The following BACH2 variants were observed in gnomAD, a reference collection of about 807,000 sequenced individuals.
The protein encoded by BACH2 is BACH transcriptional regulator 2, also known as transcription regulator protein BACH2.
A neutral mutation model predicts 61.8 loss-of-function variants in BACH2; 5 were observed. The observed-to-expected ratio is 0.08, with a 90% CI of 0.04 to 0.17. The LOEUF is 0.17. Ranked by LOEUF, BACH2 falls within the 10% of genes least tolerant of loss-of-function variation. The pLI is 1.00. For missense variants in BACH2, 824 were observed against 1,091.1 expected (o/e 0.76, Z 3.45); for synonymous variants, 446 against 440.1 (o/e 1.01, Z -0.17).
At chr6:90,236,338 C>T (rs1367620245) in intron 3 of BACH2, among the ~76,000 whole-genome samples, 4 of 152,194 alleles carry the variant, frequency 2.6e-5, no homozygotes, top group African/African-American at 9.7e-5. Flanking sequence ...CAGAGACAAA[C>T]CTGAGCCATG....
chr6:90,274,577 C>A (rs1180704199), intron 1 of BACH2, among the ~76,000 whole-genome samples: 2 of 152,146 alleles, frequency 1.3e-5, no homozygotes, highest in South Asian at 4.1e-4. Flanking sequence ...CAGCCGCCCC[C>A]ACCTGACCAC....
Position 90,008,454 on chromosome 6 carries a change from C to G in BACH2, c.243+148G>C. On this transcript the variant is annotated intron_variant, in intron 6 of 8. Coordinates refer to ENST00000257749, the MANE Select transcript of BACH2 (RefSeq NM_021813.4). The surrounding 1 kb of genome is among the most constrained non-coding windows in gnomAD (Gnocchi z 4.1). ...AGACTTTAAGTGTATCAAATAGAAA[C>G]TGACTATGCCACAGACCTAACATGT... 1 of 953,866 alleles carries G rather than the reference C, an allele frequency of 1.0e-6. No homozygotes were observed. The highest frequency in any genetic ancestry group is 3.4e-4 in the Middle Eastern group (1 of 2,978). The allele number at this position is 953,866 out of a possible 1,614,324, so 59.1% of individuals were successfully genotyped here. A position where few individuals can be genotyped will look rare whatever the true frequency, so the allele number is the denominator to read the frequency against.
intron 4 of BACH2, among the ~76,000 whole-genome samples, chr6:90,182,340 C>T (rs1004687812): frequency 6.6e-6 from 1 of 152,122 alleles, no homozygotes; most frequent in Non-Finnish European, 1.5e-5. Context: ...TCTGGAATGT[C>T]CTTCATCTTT....
intron 5 of BACH2, among the ~76,000 whole-genome samples, chr6:90,034,269 CTTAA>C (rs1362924547): frequency 6.6e-6 from 1 of 152,154 alleles, no homozygotes; most frequent in East Asian, 1.9e-4. Flanking sequence ...ATTAAAATCT[CTTAA>C]TTATTCTTAT....
chr6:89,954,298 CT>C (rs56660189), intron 6 of BACH2, among the ~76,000 whole-genome samples: 21,219 of 143,356 alleles, frequency 0.15, 1,578 homozygotes, highest in African/African-American at 0.18. Flanking sequence ...CACAGTTTTT[CT>C]TTTTTTTTTT....
intron 3 of BACH2, among the ~76,000 whole-genome samples, chr6:90,233,179 TGAG>T (rs1296702724): frequency 1.3e-5 from 2 of 152,322 alleles, no homozygotes; most frequent in African/African-American, 2.4e-5. Flanking sequence ...GCTGGGATCA[TGAG>T]GAGGTGAGAA....
chr6:90,198,668 T>G (rs1335604073), intron 4 of BACH2, among the ~76,000 whole-genome samples: 1 of 152,206 alleles, frequency 6.6e-6, no homozygotes, highest in Non-Finnish European at 1.5e-5. Flanking sequence ...CGGTAGTGGG[T>G]GCACAGAGTC....
intron 2 of BACH2, among the ~76,000 whole-genome samples, chr6:90,255,648 A>T (rs1382099610): frequency 2.0e-5 from 3 of 152,234 alleles, no homozygotes; most frequent in Non-Finnish European, 4.4e-5. Context: ...AAAAGCAAAA[A>T]ATGTAATGAG....
intron 4 of BACH2, among the ~76,000 whole-genome samples, chr6:90,111,397 C>A (rs1362523814): frequency 6.6e-6 from 1 of 152,230 alleles, no homozygotes; most frequent in Non-Finnish European, 1.5e-5. Context: ...CGCTCTCCTG[C>A]TTAAAACTCC....
At chr6:90,063,863 T>C (rs6909575) in intron 5 of BACH2, among the ~76,000 whole-genome samples, 45,928 of 152,012 alleles carry the variant, frequency 0.3, 7,594 homozygotes, top group East Asian at 0.68. Flanking sequence ...CATTTTTTCA[T>C]CTAATGATAT....
intron 4 of BACH2, 70 bp downstream of exon 4, chr6:90,206,499 C>T (rs1280875368): frequency 1.3e-5 from 2 of 152,322 alleles, no homozygotes; most frequent in African/African-American, 2.4e-5. Context: ...CATGGAAAGA[C>T]ATATGTACTC....
chr6:89,991,713 G>C (rs1388317273), intron 6 of BACH2, among the ~76,000 whole-genome samples: 1 of 151,000 alleles, frequency 6.6e-6, no homozygotes, highest in Non-Finnish European at 1.5e-5. Context: ...GTCCTTTATA[G>C]ATTTTTTTTT....
intron 4 of BACH2, among the ~76,000 whole-genome samples, chr6:90,199,568 C>T (rs1274005187): frequency 1.3e-5 from 2 of 152,178 alleles, no homozygotes; most frequent in African/African-American, 4.8e-5. Context: ...CACTTCCATA[C>T]CTCTCAGAAG....
chr6:90,208,061 C>A (rs1446162619), intron 3 of BACH2, among the ~76,000 whole-genome samples: 1 of 152,036 alleles, frequency 6.6e-6, no homozygotes, highest in African/African-American at 2.4e-5. Context: ...ATACCACATG[C>A]GGATTAAAGA....
chr6:90,287,857 TA>T (rs1772068357), intron 1 of BACH2, among the ~76,000 whole-genome samples: 1 of 152,204 alleles, frequency 6.6e-6, no homozygotes, highest in South Asian at 2.1e-4. Context: ...TATATATTAG[TA>T]AAACTGTGTT....
intron 6 of BACH2, among the ~76,000 whole-genome samples, chr6:89,977,460 C>A (rs79824212): frequency 0.025 from 3,777 of 152,242 alleles, 240 homozygotes; most frequent in Admixed American, 0.14. Flanking sequence ...AAAAACATTT[C>A]ATCTTATTCT....
intron 5 of BACH2, among the ~76,000 whole-genome samples, chr6:90,014,460 AT>A (rs1404254611): frequency 1.4e-5 from 1 of 72,224 alleles, no homozygotes; most frequent in Non-Finnish European, 2.3e-5. Context: ...ATATATATAT[AT>A]ATATATATTT....
At chr6:90,045,909 T>C (rs1290831766) in intron 5 of BACH2, among the ~76,000 whole-genome samples, 1 of 152,216 alleles carries the variant, frequency 6.6e-6, no homozygotes, top group Non-Finnish European at 1.5e-5. Context: ...CCATGGACTT[T>C]TAAAATTTCC....
At chr6:90,212,055 C>T (rs1182305588) in intron 3 of BACH2, among the ~76,000 whole-genome samples, 2 of 152,178 alleles carry the variant, frequency 1.3e-5, no homozygotes, top group African/African-American at 4.8e-5. Context: ...GCTCTTGCAT[C>T]TAGGACTTAG....
Sources: allele counts gnomAD v4.1 joint callset (sites outside exome capture counted in the v4.1 genomes callset), GRCh38; gene constraint gnomAD v4.1.1; non-coding constraint Gnocchi (gnomAD v3.1); transcripts MANE v1.5; gene names NCBI Gene and HGNC (gene_info 2026-07-23, HGNC 2026-07-21).